CLVS1: variants seen among roughly 807,000 people sequenced by gnomAD.
CLVS1 encodes the protein clavesin-1.
A neutral mutation model predicts 33.1 loss-of-function variants in CLVS1; 10 were observed. That is an observed-to-expected ratio of 0.30 (90% CI 0.19 to 0.51). The LOEUF (loss-of-function observed/expected upper bound fraction) is 0.51. Ranked by LOEUF, CLVS1 falls within the 20% of genes least tolerant of loss-of-function variation. CLVS1 has a pLI of 0.97. For synonymous variants in CLVS1, 163 were observed against 166.1 expected (o/e 0.98, Z 0.14); for missense variants, 343 against 433.4 (o/e 0.79, Z 1.85).
At position 61,499,420 on chromosome 8, in the gene CLVS1, T is replaced by G. The variant is rs770100779; in HGVS notation, c.978-35T>G. The G allele has an allele frequency of 2.7e-6, 4 of 1,474,762 alleles. No homozygotes were observed. The South Asian group carries it at 4.5e-5, about 17-fold the overall frequency. The allele number at this position is 1,474,762 out of a possible 1,614,324, so 91.4% of individuals were successfully genotyped here. On this transcript the variant is annotated intron_variant, in intron 5 of 5. Coordinates refer to ENST00000325897, the MANE Select transcript of CLVS1 (RefSeq NM_173519.3). ...TTCCAAAATTGTCACCATGAATTGT[T>G]TGTAATTCTGTCTTTTTCCCTCCCC... is the stretch of plus-strand genomic sequence containing the variant.
At chr8:61,082,236 A>G (rs530888378) in intron 1 of CLVS1, among the ~76,000 whole-genome samples, 1 of 152,334 alleles carries the variant, frequency 6.6e-6, no homozygotes, top group African/African-American at 2.4e-5. Context: ...AAATGTCAAT[A>G]GAAACTTGCA....
chr8:60,992,196 T>A, the CLVS1 span, among the ~76,000 whole-genome samples: 1 of 152,238 alleles, frequency 6.6e-6, no homozygotes, highest in Non-Finnish European at 1.5e-5. Context: ...TAAGGTAATA[T>A]GTCCAATTTG....
At chr8:61,401,485 T>A (rs1039486119) in intron 3 of CLVS1, among the ~76,000 whole-genome samples, 3 of 151,922 alleles carry the variant, frequency 2.0e-5, no homozygotes, top group African/African-American at 4.8e-5. Flanking sequence ...CACCTTATTT[T>A]AAAATCTTTA....
At chr8:61,319,837 T>G (rs1390150624) in intron 2 of CLVS1, among the ~76,000 whole-genome samples, 2 of 152,210 alleles carry the variant, frequency 1.3e-5, no homozygotes, top group African/African-American at 4.8e-5. Flanking sequence ...TTTATTCACC[T>G]TTTTTCTTTC....
At chr8:61,403,939 G>C (rs1210896398) in intron 3 of CLVS1, among the ~76,000 whole-genome samples, 1 of 151,840 alleles carries the variant, frequency 6.6e-6, no homozygotes, top group Non-Finnish European at 1.5e-5. Context: ...AATGAAGTGG[G>C]CATTGAACAG....
At chr8:61,112,803 T>C (rs562677158) in intron 1 of CLVS1, among the ~76,000 whole-genome samples, 1 of 152,314 alleles carries the variant, frequency 6.6e-6, no homozygotes, top group South Asian at 2.1e-4. Context: ...AGTTTCCTTT[T>C]TTTTTAGTCT....
chr8:61,499,147 T>C (rs887908831), intron 5 of CLVS1, among the ~76,000 whole-genome samples: 1 of 152,108 alleles, frequency 6.6e-6, no homozygotes, highest in African/African-American at 2.4e-5. Flanking sequence ...CGAAAGGGAA[T>C]ATATTATGTA....
intron 2 of CLVS1, among the ~76,000 whole-genome samples, chr8:61,337,652 T>TC (rs1811853967): frequency 6.6e-6 from 1 of 152,184 alleles, no homozygotes; most frequent in Non-Finnish European, 1.5e-5. Context: ...TTATGTGTCT[T>TC]CCCATACAAC....
chr8:61,355,056 G>A (rs1812634771), intron 2 of CLVS1, among the ~76,000 whole-genome samples: 1 of 152,064 alleles, frequency 6.6e-6, no homozygotes, highest in Non-Finnish European at 1.5e-5. Context: ...TATGAAGTTG[G>A]TTCCACTCCC....
rs548238293 is a variant in CLVS1, at chr8:61,423,553, T to C, written c.631-30588T>C. 2.6e-5 allele frequency among the ~76,000 whole-genome samples: 4 copies of C among 152,314 alleles called. No homozygotes were observed. The South Asian group carries it at 8.3e-4, about 32-fold the overall frequency. On this transcript the variant is annotated intron_variant, in intron 3 of 5. Coordinates refer to ENST00000325897, the MANE Select transcript of CLVS1 (RefSeq NM_173519.3). ...TGAAACCTTGTCAGTGTTGCATAAT[T>C]GTGCTTAGAAACGTTTATTCAGTAA...
chr8:61,253,293 G>A (rs554554327), intron 2 of CLVS1, among the ~76,000 whole-genome samples: 1 of 152,308 alleles, frequency 6.6e-6, no homozygotes, highest in South Asian at 2.1e-4. Context: ...GAGATCAGCT[G>A]TTAGTCTGAT....
the CLVS1 span, among the ~76,000 whole-genome samples, chr8:61,004,786 G>C: frequency 6.6e-6 from 1 of 152,160 alleles, no homozygotes. Context: ...TGGGCCCCGC[G>C]GTGAGGGTTA....
intron 2 of CLVS1, among the ~76,000 whole-genome samples, chr8:61,141,260 T>C (rs1261317578): frequency 6.6e-6 from 1 of 152,138 alleles, no homozygotes; most frequent in Non-Finnish European, 1.5e-5. Context: ...TCTCCCACTT[T>C]GCATGGTCGA....
chr8:61,484,790 C>T (rs1803809614), intron 5 of CLVS1, among the ~76,000 whole-genome samples: 1 of 152,200 alleles, frequency 6.6e-6, no homozygotes, highest in African/African-American at 2.4e-5. Context: ...AATAATACCA[C>T]ACATCTACAA....
At chr8:61,063,729 T>C (rs758885541) in intron 1 of CLVS1, among the ~76,000 whole-genome samples, 2 of 152,220 alleles carry the variant, frequency 1.3e-5, no homozygotes, top group African/African-American at 2.4e-5. Flanking sequence ...TTGTATAAGA[T>C]ACATAACATA....
chr8:61,166,196 C>T (rs990241598), intron 2 of CLVS1, among the ~76,000 whole-genome samples: 1 of 151,718 alleles, frequency 6.6e-6, no homozygotes, highest in Admixed American at 6.6e-5. Context: ...GGCACGATCT[C>T]GGCTCACTGC....
At chr8:61,253,848 C>G (rs1024067243) in intron 2 of CLVS1, among the ~76,000 whole-genome samples, 8 of 152,180 alleles carry the variant, frequency 5.3e-5, no homozygotes, top group African/African-American at 1.9e-4. Context: ...GTTTTAACCT[C>G]TTTGCCATGG....
At chr8:61,026,450 T>C in the CLVS1 span, among the ~76,000 whole-genome samples, 1 of 152,206 alleles carries the variant, frequency 6.6e-6, no homozygotes, top group Non-Finnish European at 1.5e-5. Context: ...GGTGAGGGAA[T>C]TAATTCAGTC....
intron 3 of CLVS1, among the ~76,000 whole-genome samples, chr8:61,393,457 T>C (rs879681128): frequency 2.0e-5 from 3 of 152,222 alleles, no homozygotes; most frequent in Non-Finnish European, 2.9e-5. Flanking sequence ...TAGTGTGGTC[T>C]TTTGGTAGTG....
Sources: allele counts gnomAD v4.1 joint callset (sites outside exome capture counted in the v4.1 genomes callset), GRCh38; gene constraint gnomAD v4.1.1; transcripts MANE v1.5; gene names NCBI Gene and HGNC (gene_info 2026-07-23, HGNC 2026-07-21).